ELMO1: variants seen among roughly 807,000 people sequenced by gnomAD.
ELMO1 encodes the protein engulfment and cell motility protein 1.
ELMO1 carries 26 observed loss-of-function variants against 98.9 expected under a neutral mutation model. The observed-to-expected ratio is 0.26, with a 90% CI of 0.19 to 0.36. The LOEUF is 0.36. Ranked by LOEUF, ELMO1 falls within the 10% of genes least tolerant of loss-of-function variation. ELMO1 has a pLI of 1.00. For synonymous variants in ELMO1, 346 were observed against 346.0 expected, an observed-to-expected ratio of 1.00 and a Z score of 0.00; for missense variants, 627 against 935.2, an observed-to-expected ratio of 0.67 and a Z score of 4.30.
At chr7:36,915,894 A>G (rs1584363755) in intron 16 of ELMO1, among the ~76,000 whole-genome samples, 1 of 152,250 alleles carries the variant, frequency 6.6e-6, no homozygotes, top group Middle Eastern at 3.4e-3. Context: ...CCTTCCCCAA[A>G]CAGCCACTGC....
At chr7:36,937,529 T>C (rs1297403303) in intron 16 of ELMO1, among the ~76,000 whole-genome samples, 1 of 152,236 alleles carries the variant, frequency 6.6e-6, no homozygotes, top group Non-Finnish European at 1.5e-5. Flanking sequence ...TCCTGTTGTC[T>C]GAAGGCTCCT....
intron 4 of ELMO1, among the ~76,000 whole-genome samples, chr7:37,306,545 C>T (rs934095747): frequency 7.9e-5 from 12 of 152,106 alleles, no homozygotes; most frequent in African/African-American, 2.7e-4. Context: ...GTGGAAAGAT[C>T]CAAAGGCTGC....
chr7:37,367,686 G>T (rs1472930312), intron 1 of ELMO1, among the ~76,000 whole-genome samples: 1 of 152,094 alleles, frequency 6.6e-6, no homozygotes, highest in Non-Finnish European at 1.5e-5. Flanking sequence ...AAACTGGTGG[G>T]CATAAGACCA....
Position 37,165,794 on chromosome 7 carries a change from TTC to T in ELMO1, c.1087-32562_1087-32561del, listed in dbSNP as rs1789636532. ...GTTCATCAAGGATATTGGTTTAAAA[TTC>T]TCTTTTTTGGTTCTGTCTCTGCCCG... On this transcript the variant is annotated intron_variant, in intron 13 of 21. Transcript: ENST00000310758. 2.0e-5 allele frequency among the ~76,000 whole-genome samples: 3 copies of T among 152,224 alleles called. No individual in the cohort carries two copies. In the South Asian group the frequency reaches 6.2e-4, roughly 32 times the overall value.
At chr7:36,984,880 C>G (rs1584478268) in intron 16 of ELMO1, 2 of 982,620 alleles carry the variant, frequency 2.0e-6, no homozygotes. Flanking sequence ...CCAACTTCAG[C>G]CCCCACTCTC....
intron 13 of ELMO1, among the ~76,000 whole-genome samples, chr7:37,181,679 A>G (rs1015974173): frequency 1.3e-5 from 2 of 152,206 alleles, no homozygotes; most frequent in African/African-American, 4.8e-5. Context: ...CATATCACAG[A>G]TGAGTATGTG....
At chr7:37,022,995 C>G (rs1422778158) in intron 15 of ELMO1, among the ~76,000 whole-genome samples, 1 of 152,150 alleles carries the variant, frequency 6.6e-6, no homozygotes, top group African/African-American at 2.4e-5. Flanking sequence ...GGAGCAAAAA[C>G]AGCCCCACAT....
intron 15 of ELMO1, among the ~76,000 whole-genome samples, chr7:37,050,446 C>T (rs1796038551): frequency 6.6e-6 from 1 of 152,062 alleles, no homozygotes; most frequent in South Asian, 2.1e-4. Flanking sequence ...TGAAAGAAAA[C>T]CAAGAATTAG....
At chr7:37,360,425 T>TAAA (rs963967962) in intron 1 of ELMO1, among the ~76,000 whole-genome samples, 5 of 125,546 alleles carry the variant, frequency 4.0e-5, no homozygotes, top group African/African-American at 3.1e-5. Flanking sequence ...ACTGAAATTT[T>TAAA]AAAAAAAAAA....
intron 13 of ELMO1, among the ~76,000 whole-genome samples, chr7:37,152,065 G>C (rs530521976): frequency 6.6e-6 from 1 of 152,322 alleles, no homozygotes; most frequent in Admixed American, 6.5e-5. Flanking sequence ...TAGGTAAATA[G>C]CATGTGAATG....
intron 1 of ELMO1, among the ~76,000 whole-genome samples, 158 bp downstream of exon 1, chr7:37,448,517 A>G (rs1805755395): frequency 6.6e-6 from 1 of 150,948 alleles, no homozygotes; most frequent in South Asian, 2.1e-4. Context: ...CCCCCGCCCG[A>G]GCCGCGGCGC....
intron 2 of ELMO1, among the ~76,000 whole-genome samples, chr7:37,329,546 G>C (rs1799992648): frequency 6.6e-6 from 1 of 152,144 alleles, no homozygotes; most frequent in South Asian, 2.1e-4. Context: ...CTGGGGTTGA[G>C]AGAAGTTAAA....
intron 15 of ELMO1, among the ~76,000 whole-genome samples, chr7:37,066,850 A>G (rs1186966168): frequency 6.6e-6 from 1 of 152,206 alleles, no homozygotes; most frequent in Non-Finnish European, 1.5e-5. Context: ...GAACAAAATT[A>G]ATTTTAAAAA....
At chr7:36,918,149 G>C (rs1472211884) in intron 16 of ELMO1, among the ~76,000 whole-genome samples, 6 of 151,866 alleles carry the variant, frequency 4.0e-5, no homozygotes, top group Non-Finnish European at 1.5e-5. Flanking sequence ...AACAAAATAA[G>C]AGGAGGGTCT....
intron 2 of ELMO1, among the ~76,000 whole-genome samples, chr7:37,330,304 T>C (rs59472144): frequency 6.6e-6 from 1 of 152,134 alleles, no homozygotes; most frequent in Non-Finnish European, 1.5e-5. Context: ...TATTTTTCAT[T>C]CCCTTCTCTT....
chr7:37,033,785 G>A (rs889632817), intron 15 of ELMO1, among the ~76,000 whole-genome samples: 1 of 152,214 alleles, frequency 6.6e-6, no homozygotes, highest in African/African-American at 2.4e-5. Context: ...ACTGCGAAGA[G>A]ATGTGGAGGA....
intron 15 of ELMO1, among the ~76,000 whole-genome samples, chr7:37,061,952 A>C (rs1341711707): frequency 6.6e-6 from 1 of 152,162 alleles, no homozygotes; most frequent in African/African-American, 2.4e-5. Flanking sequence ...GCAACTCGTG[A>C]CTTTGGACAC....
At chr7:37,360,133 A>G (rs1172243837) in intron 1 of ELMO1, among the ~76,000 whole-genome samples, 1 of 152,200 alleles carries the variant, frequency 6.6e-6, no homozygotes, top group Non-Finnish European at 1.5e-5. Context: ...TGAGTTGAAT[A>G]TACTCTCCCT....
chr7:37,356,699 T>C (rs113974561), intron 1 of ELMO1, among the ~76,000 whole-genome samples: 22,065 of 151,574 alleles, frequency 0.15, 1,706 homozygotes, highest in Non-Finnish European at 0.18. Context: ...CCATGGCATG[T>C]GTATACCTGT....
Sources: gnomAD v4.1 joint callset for allele counts (sites outside exome capture counted in the v4.1 genomes callset) on GRCh38, gnomAD v4.1.1 for gene constraint, MANE v1.5 for transcripts, NCBI Gene and HGNC (gene_info 2026-07-23, HGNC 2026-07-21) for gene names.